Variants in VPS13C observed in about 807,000 individuals in gnomAD.
VPS13C encodes vacuolar protein sorting 13 homolog C.
In VPS13C, 358 loss-of-function variants were observed where a neutral mutation model predicts 456.8. The observed-to-expected ratio is 0.78, with a 90% CI of 0.72 to 0.86. The LOEUF (loss-of-function observed/expected upper bound fraction) is 0.86, where lower values mean the gene tolerates loss of function less well. Among genes scored for constraint, VPS13C ranks in the 40% least tolerant of loss-of-function variants. VPS13C has a pLI of 0.00. For missense variants in VPS13C, 4,818 were observed against 4,385.4 expected, an observed-to-expected ratio of 1.10 and a Z score of -2.79; for synonymous variants, 1,578 against 1,486.7, an observed-to-expected ratio of 1.06 and a Z score of -1.41.
chr15:61,962,837 A>C lies in VPS13C; in HGVS notation c.3347T>G (p.Leu1116Arg). 6.2e-7 allele frequency: 1 copy of C among 1,603,270 alleles called. No homozygotes were observed. ...TGACTGCTTTCTTGACTGGAGAGAA[A>C]GGGAGGAATCCAGTCCTGAAAAAAA... ...EIKIQGLDSS[L>R]SLQSRKQSLF... The change falls in exon 33 of 85, where the codon CTT becomes CGT. Residue 1116 changes from leucine (L) to arginine (R), a missense_variant. By Grantham distance (102) the Leu-to-Arg change is moderately radical. Coordinates refer to ENST00000644861, the MANE Select transcript of VPS13C (RefSeq NM_020821.3).
At chr15:62,004,967 T>C (rs898167890) in intron 15 of VPS13C, among the ~76,000 whole-genome samples, 5 of 152,070 alleles carry the variant, frequency 3.3e-5, no homozygotes, top group Non-Finnish European at 7.3e-5. Flanking sequence ...GGAATAGGTG[T>C]GGTGTGGTGC....
chr15:61,977,900 A>C (rs2045753080), intron 23 of VPS13C, among the ~76,000 whole-genome samples: 1 of 152,036 alleles, frequency 6.6e-6, no homozygotes, highest in Admixed American at 6.6e-5. Context: ...AGCATTATGT[A>C]TTTACGTTTT....
chr15:61,975,041 T>G (rs2045663695), intron 24 of VPS13C, among the ~76,000 whole-genome samples: 1 of 152,132 alleles, frequency 6.6e-6, no homozygotes, highest in South Asian at 2.1e-4. Context: ...TAGCTGTTGT[T>G]GTTTATCTTT....
In VPS13C at chr15:61,927,351, G is replaced by C. The variant is rs768204779; in HGVS notation, c.6287-31C>G. 2.5e-6 allele frequency: 4 copies of C among 1,579,950 alleles called. No homozygotes were observed. The East Asian group carries it at 9.0e-5, about 35-fold the overall frequency. On this transcript the variant is annotated intron_variant, in intron 51 of 84. Transcript: ENST00000644861. ...GAAACAAGCAACAGGAACCAGAAAA[G>C]TTTAAGGTAAGTCTTTTCATTTGAC...
rs566086695 is a variant in VPS13C at position 61,954,383 on chromosome 15, T to A, written c.4299+38A>T. 10 of 1,589,754 alleles carry A rather than the reference T, an allele frequency of 6.3e-6. No homozygotes were observed. In the South Asian group the frequency reaches 1.1e-4, roughly 17 times the overall value. Reference sequence around the variant, plus strand: ...AGGTAATTCCAATATCCATTACTTATTCACCTCACTTTACAAAAACAGATG... The same window carrying A: ...AGGTAATTCCAATATCCATTACTTAATCACCTCACTTTACAAAAACAGATG... On this transcript the variant is annotated intron_variant, in intron 38 of 84. Transcript: ENST00000644861.
intron 74 of VPS13C, 40 bp downstream of exon 74, chr15:61,878,567 G>A (rs1307712005): frequency 6.3e-7 from 1 of 1,594,628 alleles, no homozygotes; most frequent in Admixed American, 1.8e-5. Context: ...ACATGACCTT[G>A]GTACACCTGC....
Position 61,967,451 on chromosome 15 carries a change from G to T in VPS13C, c.2912-4C>A. The T allele has an allele frequency of 6.3e-7, 1 of 1,577,916 alleles. No homozygotes were observed. Among genetic ancestry groups the T allele is most frequent in the Non-Finnish European group, 8.6e-7 (1 of 1,165,154 alleles). On this transcript the variant is annotated splice_region_variant and splice_polypyrimidine_tract_variant and intron_variant, in intron 28 of 84. Transcript: ENST00000644861. ...TGAAGGGGCTTCCTTTTGGATCCTA[G>T]ATTAAAGAAAAAGGAAAAAAAAGTG...
At chr15:61,946,552 A>T (rs1016295906) in intron 43 of VPS13C, 142 bp from the exon 44 acceptor site, 1 of 447,360 alleles carries the variant, frequency 2.2e-6, no homozygotes, top group Non-Finnish European at 3.9e-6. Context: ...ATCAACTTTC[A>T]TGTATGAGAT....
intron 3 of VPS13C, among the ~76,000 whole-genome samples, chr15:62,040,851 G>A (rs2048218181): frequency 6.6e-6 from 1 of 152,104 alleles, no homozygotes; most frequent in South Asian, 2.1e-4. Context: ...TCTTAGTGTA[G>A]GAGTTTAACT....
chr15:61,864,177 T>C, intron 81 of VPS13C: 1 of 333,460 alleles, frequency 3.0e-6, no homozygotes, highest in Non-Finnish European at 4.3e-6. Context: ...TATATTTATA[T>C]ATCAAATTAT....
At chr15:62,054,832 T>C (rs2048735868) in intron 1 of VPS13C, among the ~76,000 whole-genome samples, 1 of 152,092 alleles carries the variant, frequency 6.6e-6, no homozygotes, top group Non-Finnish European at 1.5e-5. Flanking sequence ...ACAAAGACTG[T>C]TTTCCATCAC....
At chr15:62,021,398 T>C (rs1351890940) in intron 8 of VPS13C, among the ~76,000 whole-genome samples, 1 of 151,966 alleles carries the variant, frequency 6.6e-6, no homozygotes, top group Non-Finnish European at 1.5e-5. Context: ...AGATCCTTAA[T>C]ATTTAATTTC....
At chr15:61,857,788 G>A (rs1894004195) in intron 82 of VPS13C, among the ~76,000 whole-genome samples, 1 of 152,200 alleles carries the variant, frequency 6.6e-6, no homozygotes, top group African/African-American at 2.4e-5. Flanking sequence ...GAAGGGGGAA[G>A]AAAGGGCTAG....
At chr15:61,975,714 C>T (rs1454967552) in intron 24 of VPS13C, among the ~76,000 whole-genome samples, 1 of 152,058 alleles carries the variant, frequency 6.6e-6, no homozygotes, top group Non-Finnish European at 1.5e-5. Context: ...AGAAATAATA[C>T]TAGTTCTACA....
chr15:61,869,731 C>T, intron 79 of VPS13C, 108 bp from the exon 80 acceptor site: 3 of 1,518,388 alleles, frequency 2.0e-6, no homozygotes, highest in Admixed American at 2.2e-5. Flanking sequence ...CAGGAAGTTA[C>T]AAAAATTTGG....
intron 82 of VPS13C, among the ~76,000 whole-genome samples, chr15:61,857,531 C>T (rs1321506670): frequency 1.3e-5 from 2 of 152,076 alleles, no homozygotes; most frequent in African/African-American, 2.4e-5. Context: ...ATGAGCTTAG[C>T]GCCAGACCTT....
At chr15:62,028,086 T>C (rs897477210) in intron 6 of VPS13C, among the ~76,000 whole-genome samples, 1 of 152,102 alleles carries the variant, frequency 6.6e-6, no homozygotes, top group Non-Finnish European at 1.5e-5. Context: ...GTTCATATTC[T>C]AAGCTTCGTA....
intron 42 of VPS13C, among the ~76,000 whole-genome samples, 155 bp downstream of exon 42, chr15:61,949,288 T>G (rs1380334914): frequency 6.6e-6 from 1 of 152,212 alleles, no homozygotes; most frequent in African/African-American, 2.4e-5. Context: ...AACTGCTCTA[T>G]AATCCCATAG....
chr15:62,017,287 A>T (rs1369313318), intron 9 of VPS13C, among the ~76,000 whole-genome samples: 8 of 152,024 alleles, frequency 5.3e-5, no homozygotes, highest in East Asian at 3.9e-4. Flanking sequence ...CTCTTTAGTT[A>T]AATTAGATCC....
Sources: allele counts gnomAD v4.1 joint callset (sites outside exome capture counted in the v4.1 genomes callset), GRCh38; gene constraint gnomAD v4.1.1; transcripts MANE v1.5; gene names NCBI Gene and HGNC (gene_info 2026-07-23, HGNC 2026-07-21).